Variants in ADARB2 observed in about 807,000 individuals in gnomAD.
ADARB2 encodes inactive double-stranded RNA-specific editase B2.
ADARB2 carries 25 observed loss-of-function variants against 62.2 expected under a neutral mutation model. The observed-to-expected ratio is 0.40, with a 90% CI of 0.29 to 0.56. The LOEUF (loss-of-function observed/expected upper bound fraction) is 0.56, where lower values mean the gene tolerates loss of function less well. ADARB2 is among the 20% of genes least tolerant of loss of function. ADARB2 has a pLI of 0.43. For synonymous variants in ADARB2, 572 were observed against 500.8 expected (o/e 1.14, Z -1.90); for missense variants, 1,071 against 1,077.4 (o/e 0.99, Z 0.08).
At chr10:1,445,276 A>G (rs1286948021) in intron 1 of ADARB2, among the ~76,000 whole-genome samples, 1 of 151,508 alleles carries the variant, frequency 6.6e-6, no homozygotes, top group African/African-American at 2.4e-5. Context: ...CCATCCATCC[A>G]CCCACCCACC....
At chr10:1,189,992 T>C (rs1564215108) in intron 8 of ADARB2, among the ~76,000 whole-genome samples, 1 of 151,902 alleles carries the variant, frequency 6.6e-6, no homozygotes, top group Non-Finnish European at 1.5e-5. Context: ...CTGGAGGGGA[T>C]TCAGGGAATC....
At chr10:1,472,905 C>T (rs933878669) in intron 1 of ADARB2, among the ~76,000 whole-genome samples, 9 of 152,058 alleles carry the variant, frequency 5.9e-5, no homozygotes, top group South Asian at 2.1e-4. Context: ...TGTCTCTCTA[C>T]GGTAATAGTT....
At chr10:1,558,149 C>G (rs1832731277) in intron 1 of ADARB2, among the ~76,000 whole-genome samples, 1 of 152,108 alleles carries the variant, frequency 6.6e-6, no homozygotes, top group Admixed American at 6.5e-5. Flanking sequence ...CCATCCTTCC[C>G]ACCCCCAGGC....
In ADARB2 at chr10:1,526,459, G is replaced by A. The variant is rs531324485; in HGVS notation, c.101-147299C>T. On this transcript the variant is annotated intron_variant, in intron 1 of 9. Coordinates refer to ENST00000381312, the MANE Select transcript of ADARB2 (RefSeq NM_018702.4). ...GTGGGGGATGCTGGGGTCAGGGGTGGATCCCTCACGATTATCTTGGTGCTG... is the reference window on the plus strand; with the variant it reads ...GTGGGGGATGCTGGGGTCAGGGGTGAATCCCTCACGATTATCTTGGTGCTG... Among the ~76,000 whole-genome samples, 94 of 152,182 alleles carry A rather than the reference G, an allele frequency of 6.2e-4. 3 individuals carry two copies. The South Asian group carries it at 0.018, about 29-fold the overall frequency.
At chr10:1,570,067 C>T (rs529036763) in intron 1 of ADARB2, among the ~76,000 whole-genome samples, 2 of 152,160 alleles carry the variant, frequency 1.3e-5, no homozygotes, top group Admixed American at 6.5e-5. Context: ...GCACCGAGAA[C>T]AAGATTTGTT....
intron 8 of ADARB2, among the ~76,000 whole-genome samples, chr10:1,190,579 T>C: frequency 6.6e-6 from 1 of 152,224 alleles, no homozygotes. Context: ...TGGGCAGGGC[T>C]GTACCTCCTT....
chr10:1,616,780 G>A (rs1833640750), intron 1 of ADARB2, among the ~76,000 whole-genome samples: 1 of 148,046 alleles, frequency 6.8e-6, no homozygotes, highest in East Asian at 2.0e-4. Context: ...CTGCATCCTG[G>A]GAACTGGCCT....
rs111540731 is a variant in ADARB2, at chr10:1,353,376, T to A, written c.1077+9652A>T. Among the ~76,000 whole-genome samples the A allele has an allele frequency of 6.5e-3, 984 of 152,246 alleles. 14 individuals carry two copies. The highest frequency in any genetic ancestry group is 0.022 in the African/African-American group (923 of 41,530). On this transcript the variant is annotated intron_variant, in intron 3 of 9. Transcript: ENST00000381312. ...CCGCTGGCTTTGCATTTCCCTTTCT[T>A]CCAGCGCCTACACAGCTGTACCCGC...
intron 1 of ADARB2, among the ~76,000 whole-genome samples, chr10:1,640,137 T>C (rs1402447280): frequency 6.6e-6 from 1 of 152,228 alleles, no homozygotes; most frequent in Non-Finnish European, 1.5e-5. Context: ...GAGGGTGTTT[T>C]TCTGTTTCTC....
At chr10:1,274,930 C>T (rs751928301) in intron 3 of ADARB2, among the ~76,000 whole-genome samples, 6 of 152,188 alleles carry the variant, frequency 3.9e-5, no homozygotes, top group African/African-American at 7.2e-5. Context: ...GGAGCAGCTG[C>T]GGCCGGGACA....
At chr10:1,696,824 T>C (rs1564197697) in intron 1 of ADARB2, among the ~76,000 whole-genome samples, 1 of 152,194 alleles carries the variant, frequency 6.6e-6, no homozygotes, top group Non-Finnish European at 1.5e-5. Flanking sequence ...TCTGACCCTG[T>C]ACTCCCTTCC....
intron 1 of ADARB2, among the ~76,000 whole-genome samples, chr10:1,723,080 G>T (rs1178460119): frequency 6.6e-6 from 1 of 152,126 alleles, no homozygotes; most frequent in African/African-American, 2.4e-5. Flanking sequence ...GAGCTGGGCT[G>T]CACGCTATTC....
At chr10:1,705,586 C>T (rs1417729349) in intron 1 of ADARB2, among the ~76,000 whole-genome samples, 1 of 152,196 alleles carries the variant, frequency 6.6e-6, no homozygotes, top group African/African-American at 2.4e-5. Context: ...TTGTAGAGAA[C>T]AAGCTTAATC....
At chr10:1,724,528 G>A (rs562395927) in intron 1 of ADARB2, among the ~76,000 whole-genome samples, 10 of 152,306 alleles carry the variant, frequency 6.6e-5, no homozygotes, top group Middle Eastern at 3.4e-3. Context: ...CCTTGTGTGC[G>A]CAGCAGCAGG....
Position 1,737,208 on chromosome 10 carries a change from C to G in ADARB2, c.-58G>C. On this transcript the variant is annotated 5_prime_UTR_variant, in exon 1 of 10. Coordinates refer to ENST00000381312, the MANE Select transcript of ADARB2 (RefSeq NM_018702.4). ...CTCCCTCCTGCACCTGCACCTGCCT[C>G]CTTCCCGGCAGCCGCCGCCGCCGCT... The G allele has an allele frequency of 6.4e-7, 1 of 1,564,308 alleles. No homozygotes were observed. The highest frequency in any genetic ancestry group is 8.7e-7 in the Non-Finnish European group (1 of 1,150,868).
intron 1 of ADARB2, among the ~76,000 whole-genome samples, chr10:1,571,502 A>G (rs1337299342): frequency 6.6e-6 from 1 of 152,260 alleles, no homozygotes; most frequent in African/African-American, 2.4e-5. Flanking sequence ...TCTGCTGCAA[A>G]TGAGTAAGAA....
chr10:1,348,580 A>C (rs570226437), intron 3 of ADARB2, among the ~76,000 whole-genome samples: 3 of 151,754 alleles, frequency 2.0e-5, no homozygotes, highest in Non-Finnish European at 4.4e-5. Context: ...TCTGCCCCCT[A>C]CCCCTTGTGC....
intron 1 of ADARB2, among the ~76,000 whole-genome samples, chr10:1,475,763 G>T (rs1016138558): frequency 7.2e-5 from 11 of 152,198 alleles, no homozygotes; most frequent in Non-Finnish European, 1.6e-4. Flanking sequence ...AGATAGGGCT[G>T]CCCAATGGAA....
chr10:1,243,025 T>C (rs919057812), intron 4 of ADARB2, among the ~76,000 whole-genome samples: 9 of 152,242 alleles, frequency 5.9e-5, no homozygotes, highest in African/African-American at 2.2e-4. Flanking sequence ...TCTGTGTGGA[T>C]GTGTATTTTC....
Sources: gnomAD v4.1 joint callset for allele counts (sites outside exome capture counted in the v4.1 genomes callset) on GRCh38, gnomAD v4.1.1 for gene constraint, MANE v1.5 for transcripts, NCBI Gene and HGNC (gene_info 2026-07-23, HGNC 2026-07-21) for gene names.